HSD17B12: variants seen among roughly 807,000 people sequenced by gnomAD.
HSD17B12 encodes the protein hydroxysteroid 17-beta dehydrogenase 12.
HSD17B12 carries 32 observed loss-of-function variants against 39.3 expected under a neutral mutation model. The observed-to-expected ratio is 0.81, with a 90% CI of 0.61 to 1.09. The LOEUF is 1.09. HSD17B12 is among the 50% of genes least tolerant of loss of function. The pLI is 0.00. For synonymous variants in HSD17B12, 150 were observed against 146.7 expected (o/e 1.02, Z -0.16); for missense variants, 342 against 382.9 (o/e 0.89, Z 0.89).
the HSD17B12 span, among the ~76,000 whole-genome samples, chr11:43,611,606 T>C: frequency 6.6e-6 from 1 of 152,258 alleles, no homozygotes; most frequent in African/African-American, 2.4e-5. Flanking sequence ...TCACTGATTC[T>C]AGCTTAGCAA....
chr11:43,667,173 A>G, the HSD17B12 span, among the ~76,000 whole-genome samples: 1 of 152,104 alleles, frequency 6.6e-6, no homozygotes, highest in Non-Finnish European at 1.5e-5. Context: ...TTTTTTTGAG[A>G]CAGAGTATCA....
At chr11:43,832,690 A>G (rs187186932) in intron 7 of HSD17B12, among the ~76,000 whole-genome samples, 1 of 152,306 alleles carries the variant, frequency 6.6e-6, no homozygotes, top group East Asian at 1.9e-4. Flanking sequence ...ATAGGCATTC[A>G]TTTAGTCAAG....
the HSD17B12 span, among the ~76,000 whole-genome samples, chr11:43,617,616 G>A: frequency 1.3e-5 from 2 of 152,116 alleles, no homozygotes; most frequent in Admixed American, 6.6e-5. Flanking sequence ...CAATTCAGTA[G>A]CTGTCGAACT....
At position 43,838,216 on chromosome 11, in the gene HSD17B12, A is replaced by G. The variant is rs2135126049; in HGVS notation, c.537-101A>G. 9.7e-6 allele frequency: 8 copies of G among 825,948 alleles called. No homozygotes were observed. In the South Asian group the frequency reaches 1.1e-4, roughly 12 times the overall value. The allele number at this position is 825,948 out of a possible 1,614,324, so 51.2% of individuals were successfully genotyped here. A position where few individuals can be genotyped will look rare whatever the true frequency, so the allele number is the denominator to read the frequency against. On this transcript the variant is annotated intron_variant, in intron 7 of 10. Coordinates refer to ENST00000278353, the MANE Select transcript of HSD17B12 (RefSeq NM_016142.3). ...AGAGATATGTGGTAGAAAAACAGCT[A>G]CATTATTCTGTTTCGAATAATTATA...
chr11:43,699,516 G>A (rs997777916), intron 1 of HSD17B12, among the ~76,000 whole-genome samples: 21 of 151,970 alleles, frequency 1.4e-4, no homozygotes, highest in African/African-American at 5.1e-4. Context: ...ATACTAAGGA[G>A]TATATATCCA....
the HSD17B12 span, among the ~76,000 whole-genome samples, chr11:43,562,828 G>A: frequency 6.6e-6 from 1 of 152,196 alleles, no homozygotes; most frequent in African/African-American, 2.4e-5. Flanking sequence ...ACTTCAACTA[G>A]GAACTCAACT....
At chr11:43,642,374 A>G in the HSD17B12 span, among the ~76,000 whole-genome samples, 8 of 151,728 alleles carry the variant, frequency 5.3e-5, no homozygotes, top group African/African-American at 7.2e-5. Flanking sequence ...AGATCATAAA[A>G]TTATTTCTAA....
intron 1 of HSD17B12, among the ~76,000 whole-genome samples, chr11:43,718,484 C>G (rs1420350711): frequency 6.6e-6 from 1 of 152,138 alleles, no homozygotes; most frequent in East Asian, 1.9e-4. Flanking sequence ...AGTTACCTGC[C>G]TCTGTCTCCC....
chr11:43,828,303 C>T (rs993985558), intron 6 of HSD17B12, among the ~76,000 whole-genome samples: 3 of 147,322 alleles, frequency 2.0e-5, no homozygotes, highest in Non-Finnish European at 4.5e-5. Context: ...CCACTACGCC[C>T]GGCTAATTTT....
chr11:43,601,222 G>A, the HSD17B12 span, among the ~76,000 whole-genome samples: 1 of 151,294 alleles, frequency 6.6e-6, no homozygotes, highest in East Asian at 1.9e-4. Context: ...TTCTTATTAG[G>A]CTATTTTCTT....
chr11:43,688,504 C>T (rs1380865524), intron 1 of HSD17B12, among the ~76,000 whole-genome samples: 1 of 152,132 alleles, frequency 6.6e-6, no homozygotes, highest in Admixed American at 6.5e-5. Flanking sequence ...TTTTATTTGT[C>T]GATTTTTGTC....
rs1340034335 is a variant in HSD17B12 at position 43,690,382 on chromosome 11, A to T, written c.160+9395A>T. Among the ~76,000 whole-genome samples the T allele has an allele frequency of 2.5e-3, 22 of 8,706 alleles. 1 individual carries two copies. Among genetic ancestry groups the T allele is most frequent in the Middle Eastern group, 0.031 (1 of 32 alleles). The allele number at this position is 8,706 out of a possible 152,430, so 5.7% of individuals were successfully genotyped here. ...CATACATATATATATATATATATAT[A>T]TATATATATATATATATATATATTT... On this transcript the variant is annotated intron_variant, in intron 1 of 10. Transcript: ENST00000278353.
intron 3 of HSD17B12, among the ~76,000 whole-genome samples, chr11:43,775,591 T>A (rs112214390): frequency 1.1e-4 from 17 of 152,026 alleles, no homozygotes; most frequent in Admixed American, 5.2e-4. Flanking sequence ...TTTATTTCTT[T>A]TTTATTTATT....
At position 43,854,842 on chromosome 11, in the gene HSD17B12, G is replaced by C. The variant is rs1951567276; in HGVS notation, c.812G>C (p.Gly271Ala). 4 of 1,614,130 alleles carry C rather than the reference G, an allele frequency of 2.5e-6. No individual in the cohort carries two copies. The East Asian group carries it at 8.9e-5, about 36-fold the overall frequency. Reference sequence around the variant, plus strand: ...GTCGGCCTGCAATCCCGAACCAATGGATACCTGATCCATGCTCTTATGGTA... The same window carrying C: ...GTCGGCCTGCAATCCCGAACCAATGCATACCTGATCCATGCTCTTATGGTA... ...KTVGLQSRTN[G>A]YLIHALMGSI... Residue 271 changes from glycine to alanine, a missense_variant, in exon 10 of 11, where the codon GGA (glycine) becomes GCA (alanine). Coordinates refer to ENST00000278353, the MANE Select transcript of HSD17B12 (RefSeq NM_016142.3).
At chr11:43,817,055 T>G (rs959992876) in intron 6 of HSD17B12, among the ~76,000 whole-genome samples, 3 of 145,254 alleles carry the variant, frequency 2.1e-5, no homozygotes, top group Admixed American at 7.1e-5. Flanking sequence ...TATATATATA[T>G]ATATCTCGTG....
At chr11:43,828,446 T>C (rs1434848589) in intron 6 of HSD17B12, among the ~76,000 whole-genome samples, 2 of 152,278 alleles carry the variant, frequency 1.3e-5, no homozygotes, top group East Asian at 3.9e-4. Context: ...CGGCCACTTT[T>C]GTCTACTTCT....
chr11:43,668,895 G>A, the HSD17B12 span, among the ~76,000 whole-genome samples: 1 of 151,738 alleles, frequency 6.6e-6, no homozygotes, highest in South Asian at 2.1e-4. Context: ...GTCTAGCTAT[G>A]TTGCCCAGGC....
At chr11:43,850,196 A>C (rs1245002349) in intron 9 of HSD17B12, among the ~76,000 whole-genome samples, 2 of 152,236 alleles carry the variant, frequency 1.3e-5, no homozygotes, top group African/African-American at 4.8e-5. Flanking sequence ...TAGATAATCA[A>C]GGGCCTTTAT....
At chr11:43,630,501 G>A in the HSD17B12 span, among the ~76,000 whole-genome samples, 1 of 152,136 alleles carries the variant, frequency 6.6e-6, no homozygotes, top group East Asian at 1.9e-4. Context: ...CTACCTTGGA[G>A]GGTACTCCAA....
Sources: gnomAD v4.1 joint callset for allele counts (sites outside exome capture counted in the v4.1 genomes callset) on GRCh38, gnomAD v4.1.1 for gene constraint, MANE v1.5 for transcripts, NCBI Gene and HGNC (gene_info 2026-07-23, HGNC 2026-07-21) for gene names.